TENM2: variants seen among roughly 807,000 people sequenced by gnomAD.
The protein encoded by TENM2 is teneurin-2.
In TENM2, 52 loss-of-function variants were observed where a neutral mutation model predicts 245.2. That is an observed-to-expected ratio of 0.21 (90% confidence interval 0.17 to 0.27). The LOEUF is 0.27. Ranked by LOEUF, TENM2 falls within the 10% of genes least tolerant of loss-of-function variation. The probability of loss-of-function intolerance (pLI) is 1.00; values close to 1 mark genes in which losing one functional copy is unlikely to be tolerated. For missense variants in TENM2, 3,046 were observed against 3,666.8 expected (o/e 0.83, Z 4.37); for synonymous variants, 1,363 against 1,438.9 (o/e 0.95, Z 1.19).
chr5:167,920,427 A>G (rs1315421759), intron 3 of TENM2, among the ~76,000 whole-genome samples: 2 of 150,940 alleles, frequency 1.3e-5, no homozygotes, highest in Non-Finnish European at 2.9e-5. Context: ...CTGAGGCAGG[A>G]GAATTGCTTG....
At chr5:167,144,462 T>C in the TENM2 span, among the ~76,000 whole-genome samples, 1 of 152,248 alleles carries the variant, frequency 6.6e-6, no homozygotes, top group Non-Finnish European at 1.5e-5. Context: ...TTTCAAAAGC[T>C]AAGCCCAGAG....
At chr5:168,048,407 AC>A (rs1247368006) in intron 6 of TENM2, among the ~76,000 whole-genome samples, 2 of 152,044 alleles carry the variant, frequency 1.3e-5, no homozygotes, top group Non-Finnish European at 2.9e-5. Context: ...TAGCCACTTC[AC>A]CCCCACATTT....
chr5:167,580,623 C>T (rs1321451048), intron 2 of TENM2, among the ~76,000 whole-genome samples: 1 of 152,236 alleles, frequency 6.6e-6, no homozygotes, highest in Admixed American at 6.5e-5. Flanking sequence ...CAGAATAGGA[C>T]AGGAGTCACC....
At chr5:167,602,669 A>T (rs990059617) in intron 2 of TENM2, among the ~76,000 whole-genome samples, 6 of 152,218 alleles carry the variant, frequency 3.9e-5, no homozygotes, top group African/African-American at 1.4e-4. Flanking sequence ...ATTGATATAA[A>T]TGTTATATAG....
At chr5:167,042,898 A>C in the TENM2 span, among the ~76,000 whole-genome samples, 3 of 152,286 alleles carry the variant, frequency 2.0e-5, no homozygotes, top group South Asian at 4.1e-4. Context: ...TTGAAAGCTA[A>C]AGAGATTTTA....
At chr5:167,808,502 A>C (rs10780110) in intron 2 of TENM2, among the ~76,000 whole-genome samples, 150,077 of 152,280 alleles carry the variant, frequency 0.99, 73,985 homozygotes, top group Middle Eastern at 1. Flanking sequence ...TCAGGTGATC[A>C]GCCTACCTCA....
At chr5:167,770,154 ATGAACAAAG>A (rs1763307896) in intron 2 of TENM2, among the ~76,000 whole-genome samples, 1 of 152,174 alleles carries the variant, frequency 6.6e-6, no homozygotes, top group Admixed American at 6.5e-5. Flanking sequence ...GGAAAGAATG[ATGAACAAAG>A]GTAGGCACAG....
chr5:167,723,154 C>A (rs1759751426), intron 2 of TENM2, among the ~76,000 whole-genome samples: 1 of 152,126 alleles, frequency 6.6e-6, no homozygotes, highest in South Asian at 2.1e-4. Flanking sequence ...TTTTTAGGTC[C>A]CACTGTTGGC....
chr5:168,010,983 T>C (rs1359618291), intron 5 of TENM2, among the ~76,000 whole-genome samples: 1 of 152,254 alleles, frequency 6.6e-6, no homozygotes, highest in East Asian at 1.9e-4. Context: ...GGGAACCCGC[T>C]AGGTCTTTTT....
the TENM2 span, among the ~76,000 whole-genome samples, chr5:167,020,332 C>T: frequency 6.6e-6 from 1 of 152,096 alleles, no homozygotes; most frequent in Non-Finnish European, 1.5e-5. Flanking sequence ...ATTAAGAATG[C>T]TAGGAAGAAA....
chr5:168,136,662 G>T (rs555582720), intron 12 of TENM2, among the ~76,000 whole-genome samples: 1 of 152,096 alleles, frequency 6.6e-6, no homozygotes, highest in African/African-American at 2.4e-5. Context: ...TTGTCCCAGC[G>T]CTGAGCTGTC....
chr5:167,254,188 T>C, the TENM2 span, among the ~76,000 whole-genome samples: 1 of 152,048 alleles, frequency 6.6e-6, no homozygotes, highest in African/African-American at 2.4e-5. Context: ...AGGATCACAG[T>C]TATAGTGTGC....
the TENM2 span, among the ~76,000 whole-genome samples, chr5:167,269,553 ACAAT>A: frequency 6.6e-6 from 1 of 151,988 alleles, no homozygotes; most frequent in African/African-American, 2.4e-5. Context: ...ACACACACAC[ACAAT>A]CAGATTCATA....
At chr5:168,246,797 T>A (rs1332421844) in exon 27 of TENM2, 9 of 1,613,942 alleles carry the variant, frequency 5.6e-6, no homozygotes, top group Non-Finnish European at 7.6e-6. Context: ...CAGTATATAT[T>A]TGAGTATGAC....
chr5:168,253,275 A>G (rs951284221), intron 27 of TENM2, among the ~76,000 whole-genome samples: 4 of 151,494 alleles, frequency 2.6e-5, no homozygotes, highest in South Asian at 2.1e-4. Context: ...CAGAGCCACA[A>G]TTTCTTCATC....
chr5:167,084,355 A>ATATATATATATATATATATG, the TENM2 span, among the ~76,000 whole-genome samples: 14 of 109,332 alleles, frequency 1.3e-4, no homozygotes, highest in African/African-American at 4.4e-4. Flanking sequence ...ATATATATAT[A>ATATATATATATATATATATG]TATATATATA....
At chr5:168,050,332 T>C (rs764690787) in intron 6 of TENM2, among the ~76,000 whole-genome samples, 1 of 152,216 alleles carries the variant, frequency 6.6e-6, no homozygotes, top group African/African-American at 2.4e-5. Flanking sequence ...ACCTTGGGTT[T>C]GAATTTGTAT....
At chr5:167,074,094 G>A in the TENM2 span, among the ~76,000 whole-genome samples, 1 of 152,098 alleles carries the variant, frequency 6.6e-6, no homozygotes, top group Non-Finnish European at 1.5e-5. Context: ...GGTTCTATAA[G>A]GACCATTAAT....
intron 3 of TENM2, among the ~76,000 whole-genome samples, chr5:167,877,309 G>T (rs1033650885): frequency 3.3e-5 from 5 of 152,148 alleles, no homozygotes; most frequent in African/African-American, 1.2e-4. Flanking sequence ...ACTCATTCTG[G>T]AAATGGAATG....
Sources: gnomAD v4.1 joint callset for allele counts (sites outside exome capture counted in the v4.1 genomes callset) on GRCh38, gnomAD v4.1.1 for gene constraint, MANE v1.5 for transcripts, NCBI Gene and HGNC (gene_info 2026-07-23, HGNC 2026-07-21) for gene names.